Variants in MEGF11 observed in about 807,000 individuals in gnomAD.
The protein encoded by MEGF11 is multiple epidermal growth factor-like domains protein 11.
MEGF11 carries 126 observed loss-of-function variants against 146.6 expected under a neutral mutation model. That is an observed-to-expected ratio of 0.86 (90% CI 0.74 to 1.00). MEGF11 has a LOEUF of 1.00. Ranked by LOEUF, MEGF11 falls within the 50% of genes least tolerant of loss-of-function variation. The pLI, the probability that MEGF11 is intolerant of heterozygous loss-of-function variation, is 0.00. For missense variants in MEGF11, 1,509 were observed against 1,521.2 expected (o/e 0.99, Z 0.13); for synonymous variants, 532 against 583.4 (o/e 0.91, Z 1.27).
chr15:66,248,046 T>C (rs2092320847), intron 1 of MEGF11, among the ~76,000 whole-genome samples: 1 of 152,058 alleles, frequency 6.6e-6, no homozygotes, highest in African/African-American at 2.4e-5. Context: ...CCTGTGGTGG[T>C]TGACTTAGGC....
intron 10 of MEGF11, among the ~76,000 whole-genome samples, chr15:65,951,971 C>T (rs184093203): frequency 2.1e-4 from 32 of 152,210 alleles, no homozygotes; most frequent in Admixed American, 1.9e-3. Flanking sequence ...CATTACACTA[C>T]AGCCTGGGCA....
intron 5 of MEGF11, among the ~76,000 whole-genome samples, chr15:66,077,962 G>A (rs1301051902): frequency 3.3e-5 from 5 of 152,192 alleles, no homozygotes; most frequent in Non-Finnish European, 5.9e-5. Flanking sequence ...AGCACTTCCC[G>A]GCAGGCAATA....
At chr15:66,101,785 C>G (rs892108599) in intron 4 of MEGF11, among the ~76,000 whole-genome samples, 2 of 152,182 alleles carry the variant, frequency 1.3e-5, no homozygotes, top group Non-Finnish European at 2.9e-5. Flanking sequence ...GCTATAAGAC[C>G]AGGGCAATGC....
chr15:66,166,057 G>T (rs1269010982), intron 1 of MEGF11, among the ~76,000 whole-genome samples: 1 of 152,160 alleles, frequency 6.6e-6, no homozygotes, highest in Non-Finnish European at 1.5e-5. Context: ...AATGTCATCA[G>T]ACGGTGCCCA....
chr15:65,922,516 C>A, intron 14 of MEGF11, 44 bp from the exon 15 acceptor site: 1 of 1,502,830 alleles, frequency 6.7e-7, no homozygotes, highest in Admixed American at 2.3e-5. Flanking sequence ...CAAGAGACCC[C>A]AGCCAGCCTA....
intron 5 of MEGF11, among the ~76,000 whole-genome samples, chr15:66,016,686 G>T (rs945194175): frequency 2.6e-5 from 4 of 152,098 alleles, no homozygotes; most frequent in African/African-American, 9.7e-5. Flanking sequence ...ATTTGTAAAG[G>T]CCTTATAAGA....
chr15:65,910,626 A>G (rs1424392631), intron 21 of MEGF11, among the ~76,000 whole-genome samples: 1 of 152,150 alleles, frequency 6.6e-6, no homozygotes, highest in Admixed American at 6.5e-5. Context: ...GCCCCTTACC[A>G]AAAGAGGGTG....
Position 65,943,526 on chromosome 15 carries a change from A to G in MEGF11, c.1288-12583T>C, listed in dbSNP as rs186469762. On this transcript the variant is annotated intron_variant, in intron 10 of 25. Coordinates refer to ENST00000395614, the MANE Select transcript of MEGF11 (RefSeq NM_001385028.1). ...TTCGTGTGATTAACACGTGAGCCCT[A>G]TGTGTGTCAGAGGTACTAGATGTAC... is the stretch of plus-strand genomic sequence containing the variant. 7.4e-4 allele frequency among the ~76,000 whole-genome samples: 112 copies of G among 152,170 alleles called. No individual in the cohort carries two copies. The East Asian group carries it at 0.018, about 24-fold the overall frequency.
intron 4 of MEGF11, among the ~76,000 whole-genome samples, chr15:66,097,109 C>T (rs966740215): frequency 8.5e-5 from 13 of 152,246 alleles, no homozygotes; most frequent in African/African-American, 1.9e-4. Context: ...TCCTCATCGT[C>T]CTGGTATTTT....
At chr15:66,119,741 A>C (rs1379906975) in intron 3 of MEGF11, among the ~76,000 whole-genome samples, 1 of 152,120 alleles carries the variant, frequency 6.6e-6, no homozygotes, top group Non-Finnish European at 1.5e-5. Flanking sequence ...CACCTCCGGG[A>C]GAGGAGCCTC....
intron 23 of MEGF11, among the ~76,000 whole-genome samples, chr15:65,908,194 C>G (rs1232993639): frequency 4.6e-5 from 7 of 152,168 alleles, no homozygotes; most frequent in African/African-American, 1.7e-4. Flanking sequence ...GAACATTCAC[C>G]CTTCCTGGTA....
At chr15:65,923,243 G>T (rs892434985) in intron 13 of MEGF11, among the ~76,000 whole-genome samples, 3 of 152,218 alleles carry the variant, frequency 2.0e-5, no homozygotes, top group African/African-American at 7.2e-5. Flanking sequence ...TGTCTTGAAA[G>T]AAATTACAAA....
chr15:66,184,905 T>G (rs1454652780), intron 1 of MEGF11, among the ~76,000 whole-genome samples: 1 of 152,048 alleles, frequency 6.6e-6, no homozygotes, highest in Non-Finnish European at 1.5e-5. Flanking sequence ...GGCAGGCTCC[T>G]TTGCTTTACG....
At position 66,014,716 on chromosome 15, in the gene MEGF11, G is replaced by A. The variant is rs1036305809; in HGVS notation, c.395-32228C>T. Reference sequence around the variant, plus strand: ...AACATGGAGATGCCACTTTCTGTGAGAGGCAAGAAAATTAAACTGCTGAGA... The same window carrying A: ...AACATGGAGATGCCACTTTCTGTGAAAGGCAAGAAAATTAAACTGCTGAGA... On this transcript the variant is annotated intron_variant, in intron 5 of 25. Transcript: ENST00000395614. 8.8e-4 allele frequency among the ~76,000 whole-genome samples: 134 copies of A among 152,170 alleles called. 1 individual carries two copies. Among genetic ancestry groups the A allele is most frequent in the African/African-American group, 3.1e-3 (129 of 41,438 alleles).
chr15:65,962,543 A>G (rs16949165), intron 9 of MEGF11, among the ~76,000 whole-genome samples: 5,629 of 152,266 alleles, frequency 0.037, 352 homozygotes, highest in African/African-American at 0.13. Flanking sequence ...CCTAACTTCA[A>G]CTGAACAAAA....
chr15:65,957,604 C>T lies in MEGF11; in HGVS notation c.1230G>A (p.Gln410=), dbSNP rs781083657. Residue 410 remains glutamine, a synonymous_variant, in exon 10 of 26, where the codon CAG becomes CAA. Transcript: ENST00000395614. Reference sequence around the variant, plus strand: ...TGATGCTGTGGCAGTCGGCGCCATTCTGACAGGTGCAAGGCAGCTGGCAGC... The same window carrying T: ...TGATGCTGTGGCAGTCGGCGCCATTTTGACAGGTGCAAGGCAGCTGGCAGC... ...GDGCQLPCTC[Q]NGADCHSITG... The T allele has an allele frequency of 6.2e-7, 1 of 1,613,854 alleles. No homozygotes were observed. Among genetic ancestry groups the T allele is most frequent in the Non-Finnish European group, 8.5e-7 (1 of 1,179,892 alleles).
chr15:65,976,271 C>T (rs1392702863), intron 7 of MEGF11, among the ~76,000 whole-genome samples: 1 of 152,128 alleles, frequency 6.6e-6, no homozygotes, highest in African/African-American at 2.4e-5. Flanking sequence ...GAACTCCTGA[C>T]CTCAGGTGAT....
intron 9 of MEGF11, among the ~76,000 whole-genome samples, chr15:65,962,315 C>T (rs576763103): frequency 1.1e-4 from 17 of 152,260 alleles, no homozygotes; most frequent in African/African-American, 3.9e-4. Context: ...AGGCTCTCAA[C>T]CTCTGGGAAT....
At chr15:66,138,305 G>C (rs567183369) in intron 1 of MEGF11, among the ~76,000 whole-genome samples, 2 of 152,132 alleles carry the variant, frequency 1.3e-5, no homozygotes, top group Admixed American at 1.3e-4. Context: ...ATCTGGCTGC[G>C]GTGAGACTGC....
Sources: gnomAD v4.1 joint callset for allele counts (sites outside exome capture counted in the v4.1 genomes callset) on GRCh38, gnomAD v4.1.1 for gene constraint, MANE v1.5 for transcripts, NCBI Gene and HGNC (gene_info 2026-07-23, HGNC 2026-07-21) for gene names.